Variants in SBF2 observed in about 807,000 individuals in gnomAD.
The protein encoded by SBF2 is SET binding factor 2.
SBF2 carries 112 observed loss-of-function variants against 225.2 expected under a neutral mutation model. That is an observed-to-expected ratio of 0.50 (90% CI 0.43 to 0.58). The LOEUF (loss-of-function observed/expected upper bound fraction) is 0.58, where lower values mean the gene tolerates loss of function less well. Among genes scored for constraint, SBF2 ranks in the 20% least tolerant of loss-of-function variants. SBF2 has a pLI of 0.00. For missense variants in SBF2, 1,996 were observed against 2,206.2 expected, an observed-to-expected ratio of 0.90 and a Z score of 1.91; for synonymous variants, 763 against 773.3, an observed-to-expected ratio of 0.99 and a Z score of 0.22.
chr11:9,830,216 GA>G (rs1855305747), intron 27 of SBF2, among the ~76,000 whole-genome samples: 1 of 152,154 alleles, frequency 6.6e-6, no homozygotes, highest in African/African-American at 2.4e-5. Flanking sequence ...ACAGGGGATG[GA>G]CTCACTACAA....
chr11:9,960,557 A>C (rs1475136824), intron 16 of SBF2: 1 of 152,180 alleles, frequency 6.6e-6, no homozygotes, highest in Non-Finnish European at 1.5e-5. Context: ...CAATTTTGCC[A>C]TAAATCGTGT....
chr11:9,855,419 T>C (rs564880851), intron 19 of SBF2, among the ~76,000 whole-genome samples: 1 of 152,122 alleles, frequency 6.6e-6, no homozygotes, highest in South Asian at 2.1e-4. Flanking sequence ...GGAAGAGGAA[T>C]TGAGAATGGG....
At chr11:9,877,188 C>T (rs1590300767) in intron 17 of SBF2, among the ~76,000 whole-genome samples, 1 of 152,018 alleles carries the variant, frequency 6.6e-6, no homozygotes, top group East Asian at 1.9e-4. Context: ...AATAACAATA[C>T]AAAGTATTAG....
chr11:9,787,927 A>G (rs1024116096), intron 35 of SBF2, 189 bp from the exon 36 acceptor site: 35 of 627,216 alleles, frequency 5.6e-5, no homozygotes, highest in Non-Finnish European at 8.5e-5. Context: ...GGTGTGCCGT[A>G]CTGTGGCAAA....
At chr11:10,299,243 C>A (rs1456149519) in intron 1 of SBF2, among the ~76,000 whole-genome samples, 1 of 137,684 alleles carries the variant, frequency 7.3e-6, no homozygotes, top group Non-Finnish European at 1.5e-5. Flanking sequence ...GAGGCTGAGG[C>A]AAAAGAATGG....
At chr11:10,058,463 A>G (rs560739952) in intron 2 of SBF2, among the ~76,000 whole-genome samples, 10 of 152,334 alleles carry the variant, frequency 6.6e-5, no homozygotes, top group Admixed American at 5.9e-4. Context: ...AGACAAAAAT[A>G]AGGAAAAAAG....
intron 6 of SBF2, among the ~76,000 whole-genome samples, chr11:10,008,658 G>A (rs1948304609): frequency 6.6e-6 from 1 of 152,224 alleles, no homozygotes; most frequent in African/African-American, 2.4e-5. Flanking sequence ...ATGGGAAAAA[G>A]CCTTGCATGG....
intron 2 of SBF2, among the ~76,000 whole-genome samples, chr11:10,046,377 T>G (rs1394610905): frequency 6.6e-6 from 1 of 152,132 alleles, no homozygotes; most frequent in African/African-American, 2.4e-5. Context: ...AGCAAAAATA[T>G]TAGCAAGTTG....
In SBF2 at chr11:9,902,776, A is replaced by G. The variant is rs572701143; in HGVS notation, c.1861-6765T>C. 2.6e-5 allele frequency among the ~76,000 whole-genome samples: 4 copies of G among 152,320 alleles called. No homozygotes were observed. The East Asian group carries it at 7.7e-4, about 29-fold the overall frequency. Reference sequence around the variant, plus strand: ...TTTTGATAGCAAAGAAAGTTAAGATACAACTAAACTATACAACCATGGTAG... The same window carrying G: ...TTTTGATAGCAAAGAAAGTTAAGATGCAACTAAACTATACAACCATGGTAG... On this transcript the variant is annotated intron_variant, in intron 16 of 39. Transcript: ENST00000256190.
intron 2 of SBF2, among the ~76,000 whole-genome samples, chr11:10,086,809 G>T (rs1256241830): frequency 6.6e-6 from 1 of 152,140 alleles, no homozygotes; most frequent in Non-Finnish European, 1.5e-5. Context: ...TAGCCCTTTG[G>T]TTATTTATAA....
At chr11:9,851,716 A>G (rs1856969037) in intron 21 of SBF2, among the ~76,000 whole-genome samples, 1 of 152,218 alleles carries the variant, frequency 6.6e-6, no homozygotes. Flanking sequence ...ATAGAATTAT[A>G]TTCCTACCTA....
At chr11:10,228,015 TCTC>T (rs1192011169) in intron 1 of SBF2, among the ~76,000 whole-genome samples, 1 of 151,294 alleles carries the variant, frequency 6.6e-6, no homozygotes, top group Non-Finnish European at 1.5e-5. Flanking sequence ...GGTTTGTAGT[TCTC>T]CTTGAAGAGG....
At chr11:10,295,571 C>T (rs1450440385), upstream of SBF2, among the ~76,000 whole-genome samples, 1 of 147,342 alleles carries the variant, frequency 6.8e-6, no homozygotes, top group Non-Finnish European at 1.5e-5. Flanking sequence ...TAGTTTGATC[C>T]TGAAAATAAT....
At chr11:10,114,617 C>T (rs1003350405) in intron 2 of SBF2, among the ~76,000 whole-genome samples, 3 of 152,152 alleles carry the variant, frequency 2.0e-5, no homozygotes, top group Non-Finnish European at 4.4e-5. Flanking sequence ...GAATGAAAAC[C>T]GATGACATTT....
At chr11:10,251,084 C>T (rs1384493047) in intron 1 of SBF2, among the ~76,000 whole-genome samples, 1 of 152,110 alleles carries the variant, frequency 6.6e-6, no homozygotes, top group African/African-American at 2.4e-5. Flanking sequence ...ATAGGGTATA[C>T]TTTTATTTGT....
chr11:10,060,156 GA>G (rs1015823179), intron 2 of SBF2, among the ~76,000 whole-genome samples: 8 of 152,066 alleles, frequency 5.3e-5, no homozygotes, highest in Non-Finnish European at 7.4e-5. Flanking sequence ...AGAAAAGAGA[GA>G]AAACCCAAAT....
intron 6 of SBF2, among the ~76,000 whole-genome samples, chr11:10,015,691 A>G (rs1565135303): frequency 1.3e-5 from 2 of 152,246 alleles, no homozygotes; most frequent in African/African-American, 2.4e-5. Context: ...GTGAGGAAGC[A>G]AATGGCATTA....
chr11:9,837,690 T>C (rs1013509023), intron 26 of SBF2, among the ~76,000 whole-genome samples: 1 of 152,252 alleles, frequency 6.6e-6, no homozygotes, highest in Non-Finnish European at 1.5e-5. Flanking sequence ...ATCCTTTTAC[T>C]TTCTACCTTT....
At chr11:9,817,742 C>CAAAAAAAAAAAAAA (rs1161708572) in intron 28 of SBF2, among the ~76,000 whole-genome samples, 2 of 57,326 alleles carry the variant, frequency 3.5e-5, no homozygotes, top group African/African-American at 7.7e-5. Flanking sequence ...CCGTCTCTAC[C>CAAAAAAAAAAAAAA]AAAAAAAAAA....
Sources: allele counts gnomAD v4.1 joint callset (sites outside exome capture counted in the v4.1 genomes callset), GRCh38; gene constraint gnomAD v4.1.1; transcripts MANE v1.5; gene names NCBI Gene and HGNC (gene_info 2026-07-23, HGNC 2026-07-21).